The following GPM6A variants were observed in gnomAD, a reference collection of about 807,000 sequenced individuals.
GPM6A encodes neuronal membrane glycoprotein M6-a.
In GPM6A, 7 loss-of-function variants were observed where a neutral mutation model predicts 32.1. That is an observed-to-expected ratio of 0.22 (90% confidence interval 0.12 to 0.41). The LOEUF is 0.41. Among genes scored for constraint, GPM6A ranks in the 10% least tolerant of loss-of-function variants. GPM6A has a pLI of 1.00. For missense variants in GPM6A, 235 were observed against 347.2 expected (o/e 0.68, Z 2.57); for synonymous variants, 130 against 123.4 (o/e 1.05, Z -0.35).
intron 1 of GPM6A, among the ~76,000 whole-genome samples, chr4:175,871,410 C>T (rs1218158513): frequency 2.0e-5 from 3 of 152,048 alleles, no homozygotes; most frequent in Non-Finnish European, 4.4e-5. Context: ...GCGGAGGTTG[C>T]AGTGATCCGA....
chr4:175,668,260 T>C (rs1742856933), intron 3 of GPM6A, among the ~76,000 whole-genome samples: 1 of 152,162 alleles, frequency 6.6e-6, no homozygotes, highest in Admixed American at 6.6e-5. Context: ...TGAAGCGATA[T>C]ACGAGATCTA....
intron 1 of GPM6A, among the ~76,000 whole-genome samples, chr4:175,933,665 C>G (rs1396469249): frequency 6.6e-6 from 1 of 152,126 alleles, no homozygotes; most frequent in Non-Finnish European, 1.5e-5. Context: ...GCCTCAGCCT[C>G]CCGAATAGCT....
intron 2 of GPM6A, among the ~76,000 whole-genome samples, chr4:175,689,863 G>A (rs945499949): frequency 6.6e-6 from 1 of 152,200 alleles, no homozygotes; most frequent in Non-Finnish European, 1.5e-5. Context: ...TTAGAATGAG[G>A]TGAGACAGAA....
intron 1 of GPM6A, among the ~76,000 whole-genome samples, chr4:175,890,897 A>T (rs577267912): frequency 3.8e-4 from 58 of 152,296 alleles, no homozygotes; most frequent in Non-Finnish European, 7.5e-4. Context: ...GAGATCACGC[A>T]TGCAGTATGA....
intron 1 of GPM6A, among the ~76,000 whole-genome samples, chr4:175,996,787 G>C (rs1386627201): frequency 6.6e-6 from 1 of 152,146 alleles, no homozygotes; most frequent in Non-Finnish European, 1.5e-5. Flanking sequence ...TAAACCCAAT[G>C]TGAAGCACAC....
At position 175,985,174 on chromosome 4, in the gene GPM6A, T is replaced by C. The variant is rs559081707; in HGVS notation, c.-23+17135A>G. Among the ~76,000 whole-genome samples the C allele has an allele frequency of 3.9e-5, 6 of 152,336 alleles. No individual in the cohort carries two copies. The South Asian group carries it at 6.2e-4, about 16-fold the overall frequency. On this transcript the variant is annotated intron_variant, in intron 1 of 7. Transcript: ENST00000280187. ...TCTTGAAATTGCATTTGAAAATATA[T>C]GTATATCTATATCTATATATGTACA... is the stretch of plus-strand genomic sequence containing the variant.
chr4:175,834,866 C>A (rs1401238183), intron 1 of GPM6A, among the ~76,000 whole-genome samples: 2 of 152,202 alleles, frequency 1.3e-5, no homozygotes, highest in Non-Finnish European at 2.9e-5. Context: ...AGATTGATTA[C>A]TGGTAAGTGT....
intron 1 of GPM6A, among the ~76,000 whole-genome samples, chr4:175,874,773 T>C (rs986863199): frequency 6.6e-6 from 1 of 151,590 alleles, no homozygotes; most frequent in African/African-American, 2.4e-5. Flanking sequence ...TGATGTGAAA[T>C]AGATGGAAAA....
At position 175,769,413 on chromosome 4, in the gene GPM6A, T is replaced by A. The variant is rs552803260; in HGVS notation, c.37+42778A>T. 8.5e-5 allele frequency among the ~76,000 whole-genome samples: 13 copies of A among 152,308 alleles called. No homozygotes were observed. The East Asian group carries it at 2.5e-3, about 29-fold the overall frequency. ...ATTGATTTAAACACAAAGGCCTATC[T>A]GGGTTTGAAGTTGGGAGAAAATGAG... On this transcript the variant is annotated intron_variant, in intron 1 of 6. Transcript: ENST00000393658.
intron 1 of GPM6A, among the ~76,000 whole-genome samples, chr4:175,976,958 G>A (rs749080416): frequency 8.5e-5 from 13 of 152,218 alleles, no homozygotes; most frequent in Non-Finnish European, 1.5e-4. Flanking sequence ...GATATAAGAA[G>A]TATAGGTGAA....
chr4:175,854,132 T>C (rs1212426756), intron 1 of GPM6A, among the ~76,000 whole-genome samples: 1 of 152,180 alleles, frequency 6.6e-6, no homozygotes. Flanking sequence ...GAAATAAATA[T>C]GTGTCAGCAC....
At chr4:175,755,186 G>A (rs1050842971) in intron 1 of GPM6A, among the ~76,000 whole-genome samples, 1 of 151,742 alleles carries the variant, frequency 6.6e-6, no homozygotes, top group African/African-American at 2.4e-5. Context: ...TGTTGTTACA[G>A]AAGAAAAAAG....
intron 1 of GPM6A, among the ~76,000 whole-genome samples, chr4:175,920,730 T>A (rs1274789710): frequency 7.2e-5 from 11 of 151,774 alleles, no homozygotes; most frequent in Admixed American, 7.2e-4. Flanking sequence ...GTGCCTGTAA[T>A]CCTAGCTACT....
At position 175,949,940 on chromosome 4, in the gene GPM6A, T is replaced by C. The variant is rs1739749324; in HGVS notation, c.-23+52369A>G. Among the ~76,000 whole-genome samples, 2 of 152,152 alleles carry C rather than the reference T, an allele frequency of 1.3e-5. 1 individual carries two copies. The highest frequency in any genetic ancestry group is 4.1e-4 in the South Asian group (2 of 4,828). ...GTTCTCACCACATATTTTCAATAAA[T>C]TTTACAAGTTCATGAGTGAAGAAAG... is the stretch of plus-strand genomic sequence containing the variant. On this transcript the variant is annotated intron_variant, in intron 1 of 7. Transcript: ENST00000280187.
At chr4:175,636,293 T>TATATATATATATAC (rs1740603461) in intron 6 of GPM6A, among the ~76,000 whole-genome samples, 2 of 130,906 alleles carry the variant, frequency 1.5e-5, no homozygotes, top group Non-Finnish European at 3.2e-5. Context: ...TATATATATA[T>TATATATATATATAC]ATATACATAT....
At chr4:175,790,714 G>C (rs990642011) in intron 1 of GPM6A, among the ~76,000 whole-genome samples, 15 of 152,002 alleles carry the variant, frequency 9.9e-5, no homozygotes, top group Non-Finnish European at 1.5e-5. Flanking sequence ...TATCCTTTTC[G>C]TTATTGTTTT....
At chr4:175,804,839 A>G (rs1734620846) in intron 1 of GPM6A, among the ~76,000 whole-genome samples, 1 of 152,016 alleles carries the variant, frequency 6.6e-6, no homozygotes, top group Non-Finnish European at 1.5e-5. Context: ...AGGTCAGGAG[A>G]TCGAGACCAT....
intron 1 of GPM6A, among the ~76,000 whole-genome samples, chr4:175,974,177 C>T (rs1245758208): frequency 6.6e-6 from 1 of 152,044 alleles, no homozygotes; most frequent in Non-Finnish European, 1.5e-5. Context: ...TTGCAATGAG[C>T]TGAGATCATG....
intron 1 of GPM6A, among the ~76,000 whole-genome samples, chr4:175,921,736 A>G (rs1466009864): frequency 6.6e-6 from 1 of 152,222 alleles, no homozygotes; most frequent in Non-Finnish European, 1.5e-5. Flanking sequence ...ACCATGAGCC[A>G]TCACCTTGTT....
Sources: allele counts gnomAD v4.1 joint callset (sites outside exome capture counted in the v4.1 genomes callset), GRCh38; gene constraint gnomAD v4.1.1; transcripts MANE v1.5; gene names NCBI Gene and HGNC (gene_info 2026-07-23, HGNC 2026-07-21).